Variants in DHRSX observed in about 807,000 individuals in gnomAD.
DHRSX encodes the protein dehydrogenase/reductase X-linked.
A neutral mutation model predicts 34.0 loss-of-function variants in DHRSX; 31 were observed. That is an observed-to-expected ratio of 0.91 (90% CI 0.69 to 1.23). The LOEUF (loss-of-function observed/expected upper bound fraction) is 1.23. Among genes scored for constraint, DHRSX ranks in the 50% most tolerant of loss-of-function variants. The pLI is 0.00. For synonymous variants in DHRSX, 201 were observed against 183.8 expected (o/e 1.09, Z -0.76); for missense variants, 414 against 428.1 (o/e 0.97, Z 0.29).
intron 3 of DHRSX, among the ~76,000 whole-genome samples, chrX:2,365,015 T>C (rs1260591710): frequency 1.3e-5 from 2 of 150,424 alleles, no homozygotes; most frequent in African/African-American, 5.0e-5. Context: ...AACTGGCATA[T>C]CTATCTATCT....
chrX:2,276,087 C>T (rs947274924), intron 4 of DHRSX, among the ~76,000 whole-genome samples: 7 of 152,184 alleles, frequency 4.6e-5, no homozygotes, highest in Non-Finnish European at 1.0e-4. Context: ...CGTGATCCAT[C>T]CACGTCGGCC....
chrX:2,480,516 T>TA lies in DHRSX; in HGVS notation c.109+20300dup, dbSNP rs11361866. On this transcript the variant is annotated intron_variant, in intron 1 of 6. Coordinates refer to ENST00000334651, the MANE Select transcript of DHRSX (RefSeq NM_145177.3). ...GGGCAACATAATGAAACCGCATCTTTAAAAAAAAAAAAAAAAATTAGCTGG... is the reference window on the plus strand; with the variant it reads ...GGGCAACATAATGAAACCGCATCTTTAAAAAAAAAAAAAAAAAATTAGCTGG... Among the ~76,000 whole-genome samples the TA allele has an allele frequency of 3.1e-3, 435 of 141,584 alleles. 2 individuals carry two copies. Among genetic ancestry groups the TA allele is most frequent in the Admixed American group, 3.9e-3 (55 of 13,936 alleles). The allele number at this position is 141,584 out of a possible 152,430, so 92.9% of individuals were successfully genotyped here. A position where few individuals can be genotyped will look rare whatever the true frequency, so the allele number is the denominator to read the frequency against.
At chrX:2,444,318 C>T (rs1268797425) in intron 1 of DHRSX, among the ~76,000 whole-genome samples, 2 of 152,316 alleles carry the variant, frequency 1.3e-5, no homozygotes, top group Admixed American at 1.3e-4. Context: ...AGGCTTTCTC[C>T]TCTAAACATT....
At chrX:2,398,756 G>A (rs891415515) in intron 3 of DHRSX, among the ~76,000 whole-genome samples, 12 of 133,976 alleles carry the variant, frequency 9.0e-5, no homozygotes, top group African/African-American at 2.6e-4. Flanking sequence ...TGAAAACTCC[G>A]CCTCCCAGGT....
intron 2 of DHRSX, among the ~76,000 whole-genome samples, chrX:2,419,442 A>T (rs771343395): frequency 1.5e-4 from 23 of 152,238 alleles, no homozygotes; most frequent in Non-Finnish European, 2.8e-4. Flanking sequence ...TAGAAATACC[A>T]TTTGACCCAG....
chrX:2,432,627 C>T (rs566016806), intron 1 of DHRSX, among the ~76,000 whole-genome samples: 173 of 152,190 alleles, frequency 1.1e-3, no homozygotes, highest in African/African-American at 3.7e-3. Flanking sequence ...TGTTGGGGCA[C>T]GTGAAGCCAC....
intron 1 of DHRSX, among the ~76,000 whole-genome samples, chrX:2,458,384 C>A (rs1274725971): frequency 1.3e-5 from 2 of 152,138 alleles, no homozygotes; most frequent in African/African-American, 4.8e-5. Context: ...ACCTGCACCC[C>A]CTGTGCACTG....
At chrX:2,259,375 GATATAT>G (rs34123441) in intron 5 of DHRSX, among the ~76,000 whole-genome samples, 68 of 133,812 alleles carry the variant, frequency 5.1e-4, no homozygotes, top group African/African-American at 1.7e-3. Flanking sequence ...GATATATATA[GATATAT>G]ATATAGATAT....
At chrX:2,245,969 AC>A (rs200652376) in intron 5 of DHRSX, among the ~76,000 whole-genome samples, 4,426 of 143,964 alleles carry the variant, frequency 0.031, 204 homozygotes, top group African/African-American at 0.068. Flanking sequence ...CTCAAAAAAA[AC>A]AAAAAAACAA....
intron 2 of DHRSX, among the ~76,000 whole-genome samples, chrX:2,411,332 C>T (rs1210566053): frequency 2.6e-5 from 4 of 151,858 alleles, no homozygotes; most frequent in Non-Finnish European, 4.4e-5. Context: ...AAGCGGATCA[C>T]GAGGTCAGGA....
intron 3 of DHRSX, among the ~76,000 whole-genome samples, chrX:2,365,946 T>C (rs2042990009): frequency 6.6e-6 from 1 of 152,146 alleles, no homozygotes; most frequent in Non-Finnish European, 1.5e-5. Flanking sequence ...CACTGAACAC[T>C]AGCGTTCTAT....
chrX:2,471,299 G>A (rs776115117), intron 1 of DHRSX, among the ~76,000 whole-genome samples: 6 of 152,144 alleles, frequency 3.9e-5, no homozygotes, highest in African/African-American at 1.4e-4. Context: ...GGCTGGGCGC[G>A]GTCACGCCTG....
intron 1 of DHRSX, among the ~76,000 whole-genome samples, chrX:2,434,531 C>T (rs761193536): frequency 6.6e-5 from 10 of 152,202 alleles, no homozygotes; most frequent in African/African-American, 2.4e-4. Flanking sequence ...ATTAGCCAGA[C>T]GTGGTGATGC....
intron 1 of DHRSX, among the ~76,000 whole-genome samples, chrX:2,463,390 C>A (rs1246584446): frequency 6.6e-6 from 1 of 152,248 alleles, no homozygotes; most frequent in Non-Finnish European, 1.5e-5. Context: ...CCCCTTCCAC[C>A]CTGGGCTCTG....
At chrX:2,308,242 C>T (rs1405330235) in intron 3 of DHRSX, among the ~76,000 whole-genome samples, 5 of 151,746 alleles carry the variant, frequency 3.3e-5, no homozygotes, top group Non-Finnish European at 5.9e-5. Context: ...CCAACGAGGG[C>T]GCTCCCAGTT....
intron 1 of DHRSX, among the ~76,000 whole-genome samples, chrX:2,464,269 T>C (rs17462199): frequency 0.044 from 6,289 of 143,854 alleles, 212 homozygotes; most frequent in South Asian, 0.094. Context: ...CTTTGCACAT[T>C]GAAGACGATC....
At position 2,291,788 on chromosome X, in the gene DHRSX, A is replaced by G. The variant is rs1448609701; in HGVS notation, c.287-185T>C. Among the ~76,000 whole-genome samples, 5 of 151,744 alleles carry G rather than the reference A, an allele frequency of 3.3e-5. No individual in the cohort carries two copies. In the East Asian group the frequency reaches 9.7e-4, roughly 29 times the overall value. On this transcript the variant is annotated intron_variant, in intron 3 of 6. Coordinates refer to ENST00000334651, the MANE Select transcript of DHRSX (RefSeq NM_145177.3). ...GAGTGCTGTGGCAGGATCTCAGCTC[A>G]CTGCAGCCTCTGCTTCCTGGGTTCC...
At chrX:2,444,341 C>T (rs1019852202) in intron 1 of DHRSX, among the ~76,000 whole-genome samples, 4 of 152,164 alleles carry the variant, frequency 2.6e-5, no homozygotes, top group African/African-American at 9.7e-5. Flanking sequence ...TATTCAGTAA[C>T]AGGTATTTGA....
intron 3 of DHRSX, among the ~76,000 whole-genome samples, chrX:2,327,835 C>A (rs1387952355): frequency 6.6e-6 from 1 of 151,970 alleles, no homozygotes; most frequent in Non-Finnish European, 1.5e-5. Flanking sequence ...AATCCCAGTA[C>A]TTTGGGAGGC....
Sources: gnomAD v4.1 joint callset for allele counts (sites outside exome capture counted in the v4.1 genomes callset) on GRCh38, gnomAD v4.1.1 for gene constraint, MANE v1.5 for transcripts, NCBI Gene and HGNC (gene_info 2026-07-23, HGNC 2026-07-21) for gene names.